BICD1: variants seen among roughly 807,000 people sequenced by gnomAD.
The protein encoded by BICD1 is BICD cargo adaptor 1.
Under a neutral mutation model 92.5 loss-of-function variants are expected in BICD1, and 35 were observed. The ratio of observed to expected loss-of-function variants is 0.38; its 90% CI spans 0.29 to 0.50. The LOEUF (loss-of-function observed/expected upper bound fraction) is 0.50. Among genes scored for constraint, BICD1 ranks in the 20% least tolerant of loss-of-function variants. The pLI is 0.93. For synonymous variants in BICD1, 429 were observed against 465.1 expected (o/e 0.92, Z 1.00); for missense variants, 950 against 1,189.8 (o/e 0.80, Z 2.97).
intron 1 of BICD1, among the ~76,000 whole-genome samples, chr12:32,158,657 A>C (rs1020288352): frequency 3.3e-5 from 5 of 152,144 alleles, no homozygotes; most frequent in Middle Eastern, 3.2e-3. Flanking sequence ...GTCATCTGTG[A>C]TTCTCATGAA....
At chr12:32,206,940 T>A (rs1185640306) in intron 1 of BICD1, among the ~76,000 whole-genome samples, 1 of 152,218 alleles carries the variant, frequency 6.6e-6, no homozygotes, top group East Asian at 1.9e-4. Flanking sequence ...AAGGATTTCA[T>A]CATATGAATT....
chr12:32,179,619 C>T (rs1944213314), intron 1 of BICD1, among the ~76,000 whole-genome samples: 1 of 151,928 alleles, frequency 6.6e-6, no homozygotes, highest in Non-Finnish European at 1.5e-5. Flanking sequence ...TGGGAATAAG[C>T]AAAATATTTT....
intron 2 of BICD1, among the ~76,000 whole-genome samples, chr12:32,270,820 A>G (rs965884904): frequency 2.6e-5 from 4 of 152,210 alleles, no homozygotes; most frequent in Admixed American, 2.6e-4. Flanking sequence ...GCAGGCAAAA[A>G]TACATCATTG....
chr12:32,337,902 T>A lies in BICD1; in HGVS notation c.2570+86T>A. ...ATAAATGTGCTCTTGTTGTGGAGGA[T>A]GGAGGAGGGGAAGCAAAAGAAAAAA... On this transcript the variant is annotated intron_variant, in intron 7 of 9. Coordinates refer to ENST00000652176, the MANE Select transcript of BICD1 (RefSeq NM_001714.4). This position sits in a 1 kb window ranked among gnomAD's most constrained non-coding sequence, Gnocchi z 4.7. The A allele has an allele frequency of 6.7e-7, 1 of 1,487,740 alleles. No homozygotes were observed. The highest frequency in any genetic ancestry group is 9.3e-7 in the Non-Finnish European group (1 of 1,075,028). The allele number at this position is 1,487,740 out of a possible 1,614,324, so 92.2% of individuals were successfully genotyped here.
At chr12:32,356,254 G>A (rs1369624721) in intron 8 of BICD1, among the ~76,000 whole-genome samples, 1 of 152,166 alleles carries the variant, frequency 6.6e-6, no homozygotes, top group East Asian at 1.9e-4. Context: ...CTAGCTACTG[G>A]TTGTTGGAAC....
intron 1 of BICD1, among the ~76,000 whole-genome samples, chr12:32,201,389 T>A (rs957311964): frequency 6.6e-6 from 1 of 152,182 alleles, no homozygotes; most frequent in Non-Finnish European, 1.5e-5. Context: ...CCACTAGACT[T>A]CTTCATACAA....
chr12:32,302,391 C>T (rs1158630707), intron 3 of BICD1, among the ~76,000 whole-genome samples: 4 of 152,002 alleles, frequency 2.6e-5, no homozygotes, highest in African/African-American at 9.7e-5. Flanking sequence ...GGAAGGGACA[C>T]GGGAGCACAC....
chr12:32,286,477 G>A (rs1947570933), intron 2 of BICD1, among the ~76,000 whole-genome samples: 1 of 152,094 alleles, frequency 6.6e-6, no homozygotes, highest in South Asian at 2.1e-4. Context: ...ATGAAATACT[G>A]TAATTTGACT....
chr12:32,192,458 A>ATAGG (rs1944601152), intron 1 of BICD1, among the ~76,000 whole-genome samples: 1 of 147,106 alleles, frequency 6.8e-6, no homozygotes, highest in Non-Finnish European at 1.5e-5. Context: ...AAATAAATAG[A>ATAGG]TAGATAGATA....
rs544912496 is a variant in BICD1, at chr12:32,145,031, G to A, written c.213+37487G>A. On this transcript the variant is annotated intron_variant, in intron 1 of 9. Transcript: ENST00000652176. ...AATAATATACTTAGGTATAGAAAGA[G>A]ACCTGAGTGTCTTGAAAGCAACATT... is the stretch of plus-strand genomic sequence containing the variant. Among the ~76,000 whole-genome samples the A allele has an allele frequency of 2.0e-5, 3 of 152,312 alleles. No individual in the cohort carries two copies. In the South Asian group the frequency reaches 6.2e-4, roughly 32 times the overall value.
At chr12:32,142,007 C>T (rs1227530709) in intron 1 of BICD1, among the ~76,000 whole-genome samples, 2 of 152,078 alleles carry the variant, frequency 1.3e-5, no homozygotes, top group Non-Finnish European at 2.9e-5. Context: ...CAATGTTTTA[C>T]ATTTTGCTGA....
chr12:32,272,246 A>G (rs1031009835), intron 2 of BICD1, among the ~76,000 whole-genome samples: 2 of 152,204 alleles, frequency 1.3e-5, no homozygotes, highest in Non-Finnish European at 2.9e-5. Context: ...GATGCAGACA[A>G]ACTGGGGAAG....
At chr12:32,300,631 ATTTTTTTTTTTT>A (rs34219566) in intron 3 of BICD1, among the ~76,000 whole-genome samples, 10 of 80,594 alleles carry the variant, frequency 1.2e-4, no homozygotes, top group African/African-American at 3.1e-4. Flanking sequence ...ACTTTACAGT[ATTTTTTTTTTTT>A]TTTTTTTTTT....
At chr12:32,279,435 C>T (rs7316052) in intron 2 of BICD1, among the ~76,000 whole-genome samples, 17,017 of 152,064 alleles carry the variant, frequency 0.11, 2,949 homozygotes, top group African/African-American at 0.37. Flanking sequence ...AAAGCTTTCC[C>T]GTAAAAATAC....
chr12:32,163,113 G>T (rs184996686), intron 1 of BICD1, among the ~76,000 whole-genome samples: 181 of 152,234 alleles, frequency 1.2e-3, no homozygotes, highest in African/African-American at 3.9e-3. Context: ...TAACGCAGGG[G>T]TCTTGAGTTC....
intron 2 of BICD1, among the ~76,000 whole-genome samples, chr12:32,236,825 TAGA>T (rs952670336): frequency 7.4e-5 from 11 of 149,562 alleles, no homozygotes; most frequent in Admixed American, 5.4e-4. Context: ...TGGTTCTAGA[TAGA>T]AGATCAAACC....
At chr12:32,136,345 G>C (rs1260867) in intron 1 of BICD1, among the ~76,000 whole-genome samples, 121,219 of 152,200 alleles carry the variant, frequency 0.8, 48,359 homozygotes, top group Middle Eastern at 0.88. Context: ...AACTAAGGCT[G>C]TGGTCTAGAG....
chr12:32,240,625 C>T (rs1258403833), intron 2 of BICD1, among the ~76,000 whole-genome samples: 2 of 152,130 alleles, frequency 1.3e-5, no homozygotes, highest in Non-Finnish European at 2.9e-5. Flanking sequence ...TTAATTTAAT[C>T]GTATCTGCAA....
chr12:32,268,931 C>T (rs529909912), intron 2 of BICD1, among the ~76,000 whole-genome samples: 17 of 152,254 alleles, frequency 1.1e-4, no homozygotes, highest in African/African-American at 4.1e-4. Context: ...TGAGCTTCAA[C>T]CGTTGCAAGT....
Sources: allele counts gnomAD v4.1 joint callset (sites outside exome capture counted in the v4.1 genomes callset), GRCh38; gene constraint gnomAD v4.1.1; non-coding constraint Gnocchi (gnomAD v3.1); transcripts MANE v1.5; gene names NCBI Gene and HGNC (gene_info 2026-07-23, HGNC 2026-07-21).